Variants in U2AF1L4 observed in about 807,000 individuals in gnomAD.
U2AF1L4 encodes U2 small nuclear RNA auxiliary factor 1 like 4, also known as splicing factor U2AF 26 kDa subunit.
In U2AF1L4, 21 loss-of-function variants were observed where a neutral mutation model predicts 21.7. The observed-to-expected ratio is 0.97, with a 90% CI of 0.69 to 1.39. The LOEUF (loss-of-function observed/expected upper bound fraction) is 1.39. U2AF1L4 is among the 40% of genes most tolerant of loss of function. The pLI is 0.00. For missense variants in U2AF1L4, 259 were observed against 245.7 expected, an observed-to-expected ratio of 1.05 and a Z score of -0.36; for synonymous variants, 92 against 89.7, an observed-to-expected ratio of 1.03 and a Z score of -0.15.
chr19:35,742,731 A>G lies in U2AF1L4; in HGVS notation c.534T>C (p.His178=), dbSNP rs750919548. 1.2e-6 allele frequency: 2 copies of G among 1,610,428 alleles called. No homozygotes were observed. The highest frequency in any genetic ancestry group is 2.2e-5 in the East Asian group (1 of 44,864). ...GGGGGCCAGGGCCTCAGAAGCGGCC[A>G]TGCCAGTGATCAGGGGAACACCGAT... ...RNHRCSPDHW[H]GRF Residue 178 remains histidine, a synonymous_variant, in exon 6 of 6, where the codon CAT becomes CAC. Coordinates refer to ENST00000378975, the MANE Select transcript of U2AF1L4 (RefSeq NM_001040425.3).
rs1189704791 is a variant in U2AF1L4, at chr19:35,743,891, C to G, written c.379G>C (p.Gly127Arg). Residue 127 changes from glycine to arginine, a missense_variant, in exon 5 of 6, where the codon GGT becomes CGT. Transcript: ENST00000378975. ...AGATGCATGAAGTTGCAGAAGCCAC[C>G]TCGGGTACATTCCCTGCATAGAGGG... ...RQYEMGECTR[G>R]GFCNFMHLRP... 1.2e-6 allele frequency: 2 copies of G among 1,613,690 alleles called. No individual in the cohort carries two copies. The highest frequency in any genetic ancestry group is 1.1e-5 in the South Asian group (1 of 91,034).
Position 35,744,361 on chromosome 19 carries a change from T to C in U2AF1L4, c.193A>G (p.Asn65Asp). The change falls in exon 3 of 6, where the codon AAC becomes GAC. Residue 65 changes from asparagine (N) to aspartate (D), a missense_variant. Asn to Asp is a conservative substitution (Grantham distance 23). Coordinates refer to ENST00000378975, the MANE Select transcript of U2AF1L4 (RefSeq NM_001040425.3). Reference protein sequence around the residue: ...GEIEEMNVCDNLGDHLVGNVY... With the variant: ...GEIEEMNVCDDLGDHLVGNVY... ...TTGCCCACGAGGTGGTCCCCAAGGT[T>C]GTCGCACACATTCATCTCTTCAATC... is the stretch of plus-strand genomic sequence containing the variant. 1.2e-6 allele frequency: 2 copies of C among 1,614,144 alleles called. No individual in the cohort carries two copies. Among genetic ancestry groups the C allele is most frequent in the Non-Finnish European group, 8.5e-7 (1 of 1,180,036 alleles).
Position 35,745,163 on chromosome 19 carries a change from G to C in U2AF1L4, c.94C>G (p.Arg32Gly), listed in dbSNP as rs759302841. The stretch of plus-strand genomic sequence containing the variant: ...GGCTTGTTGTGAAGCCGGGAGCACC[G>C]GTCCCCGTGCCGGCAGACCCCGATC... ...FKIGVCRHGD[R>G]CSRLHNKPTF... The change falls in exon 2 of 6, where the codon CGG becomes GGG. Residue 32 changes from arginine (R) to glycine (G), a missense_variant. By Grantham distance (125) the Arg-to-Gly change is moderately radical. Coordinates refer to ENST00000378975, the MANE Select transcript of U2AF1L4 (RefSeq NM_001040425.3). 1.2e-6 allele frequency: 2 copies of C among 1,613,576 alleles called. No individual in the cohort carries two copies. Among genetic ancestry groups the C allele is most frequent in the Admixed American group, 3.3e-5 (2 of 60,014 alleles).
intron 2 of U2AF1L4, chr19:35,744,916 T>TAGCCTG: frequency 1.4e-6 from 1 of 703,102 alleles, no homozygotes; most frequent in Non-Finnish European, 2.4e-6. Flanking sequence ...CCGCCGTGTG[T>TAGCCTG]AGCCTGTACG....
chr19:35,744,555 G>A (rs1479753347), intron 2 of U2AF1L4, 134 bp from the exon 3 acceptor site: 1 of 1,568,772 alleles, frequency 6.4e-7, no homozygotes, highest in East Asian at 2.3e-5. Flanking sequence ...GGTGGGGGCG[G>A]GCAGGGTGGA....
chr19:35,744,678 G>C (rs1970480941), intron 2 of U2AF1L4: 1 of 1,536,086 alleles, frequency 6.5e-7, no homozygotes, highest in African/African-American at 1.4e-5. Flanking sequence ...GGTACAGGTT[G>C]AGCAGCACTA....
intron 3 of U2AF1L4, 77 bp from the exon 4 acceptor site, chr19:35,744,222 A>G (rs1280975855): frequency 4.8e-5 from 77 of 1,605,444 alleles, no homozygotes; most frequent in Non-Finnish European, 6.5e-5. Context: ...CTGGGGCTGG[A>G]CTGGATTTAG....
downstream of U2AF1L4, chr19:35,742,512 C>T: frequency 1.3e-6 from 2 of 1,596,230 alleles, no homozygotes; most frequent in Non-Finnish European, 1.7e-6. Context: ...AATGCCAAAC[C>T]ACAGCAAAAG....
At chr19:35,743,686 CAAAAAAAA>C (rs36076889) in intron 5 of U2AF1L4, 115 bp downstream of exon 5, 16 of 495,172 alleles carry the variant, frequency 3.2e-5, no homozygotes, top group East Asian at 1.9e-4. Context: ...GGCTCCATCT[CAAAAAAAA>C]AAAAAAAAAA....
At position 35,745,212 on chromosome 19, in the gene U2AF1L4, C is replaced by T; in HGVS notation, c.45G>A (p.Lys15=). ...TCTTAAAGTAAAAAGAGCAGTTAAC[C>T]CTGGAAAAGGTGCAAAGACAAAGGT... The part of the protein sequence containing the change: ...LASIFGTEKD[K]VNCSFYFKIG... Residue 15 remains lysine (K), a splice_region_variant and synonymous_variant, in exon 2 of 6, where the codon AAG becomes AAA. Coordinates refer to ENST00000378975, the MANE Select transcript of U2AF1L4 (RefSeq NM_001040425.3). 9.9e-6 allele frequency: 16 copies of T among 1,613,644 alleles called. No individual in the cohort carries two copies. Among genetic ancestry groups the T allele is most frequent in the Non-Finnish European group, 1.4e-5 (16 of 1,179,928 alleles).
chr19:35,744,714 C>G (rs1321291752), intron 2 of U2AF1L4: 1 of 1,535,832 alleles, frequency 6.5e-7, no homozygotes, highest in South Asian at 1.2e-5. Context: ...TTAAAAGGGG[C>G]GGGGCCTGAG....
At position 35,744,120 on chromosome 19, in the gene U2AF1L4, C is replaced by T. The variant is rs142741890; in HGVS notation, c.257G>A (p.Arg86Gln). The change falls in exon 4 of 6, where the codon CGG becomes CAG. Residue 86 changes from arginine to glutamine, a missense_variant. By Grantham distance (43) the Arg-to-Gln change is conservative. Coordinates refer to ENST00000378975, the MANE Select transcript of U2AF1L4 (RefSeq NM_001040425.3). ...VKFRREEDGE[R>Q]AVAELSNRWF... Reference sequence around the variant, plus strand: ...GCGGTTACTGAGTTCAGCCACGGCCCGCTCTCCATCCTCCTCCCTCCGGAA... The same window carrying T: ...GCGGTTACTGAGTTCAGCCACGGCCTGCTCTCCATCCTCCTCCCTCCGGAA... The T allele has an allele frequency of 1.8e-5, 29 of 1,613,942 alleles. 1 individual carries two copies. The African/African-American group carries it at 2.5e-4, about 14-fold the overall frequency.
chr19:35,744,856 G>C (rs1440189894), intron 2 of U2AF1L4: 5 of 839,316 alleles, frequency 6.0e-6, no homozygotes, highest in Non-Finnish European at 9.4e-6. Flanking sequence ...GGATGGAGGG[G>C]ACTGGCAAGG....
At chr19:35,743,544 C>T (rs1285610862) in intron 5 of U2AF1L4, 7 of 479,712 alleles carry the variant, frequency 1.5e-5, no homozygotes, top group African/African-American at 5.9e-5. Context: ...AAAAATTAGC[C>T]GGGCATGGTG....
intron 2 of U2AF1L4, 89 bp downstream of exon 2, chr19:35,745,036 C>T (rs942917603): frequency 7.4e-7 from 1 of 1,344,380 alleles, no homozygotes; most frequent in Non-Finnish European, 1.0e-6. Context: ...GACTCAGGAA[C>T]CCGGAATAGG....
rs967793516 is a variant in U2AF1L4, at chr19:35,745,195, T to C, written c.62A>G (p.Tyr21Cys). 20 of 1,613,356 alleles carry C rather than the reference T, an allele frequency of 1.2e-5. No individual in the cohort carries two copies. Among genetic ancestry groups the C allele is most frequent in the Non-Finnish European group, 1.6e-5 (19 of 1,179,906 alleles). The change falls in exon 2 of 6, where the codon TAC (tyrosine) becomes TGC (cysteine). Residue 21 changes from tyrosine to cysteine, a missense_variant. By Grantham distance (194) the Tyr-to-Cys change is radical. Coordinates refer to ENST00000378975, the MANE Select transcript of U2AF1L4 (RefSeq NM_001040425.3). ...GTGCCGGCAGACCCCGATCTTAAAG[T>C]AAAAAGAGCAGTTAACCCTGGAAAA... Reference protein sequence around the residue: ...TEKDKVNCSFYFKIGVCRHGD... With the variant: ...TEKDKVNCSFCFKIGVCRHGD...
intron 5 of U2AF1L4, chr19:35,743,057 A>C (rs1036870362): frequency 1.8e-6 from 1 of 570,494 alleles, no homozygotes; most frequent in Admixed American, 3.4e-5. Context: ...GATGGAGCTC[A>C]GAACTACTCT....
intron 3 of U2AF1L4, 45 bp downstream of exon 3, chr19:35,744,278 T>C (rs1329624423): frequency 6.2e-7 from 1 of 1,612,126 alleles, no homozygotes; most frequent in Non-Finnish European, 8.5e-7. Flanking sequence ...CATCAGGCAT[T>C]GAAACGCCTC....
At position 35,742,645 on chromosome 19, in the gene U2AF1L4, A is replaced by G; in HGVS notation, c.*74T>C. 6.2e-7 allele frequency: 1 copy of G among 1,613,598 alleles called. No homozygotes were observed. On this transcript the variant is annotated 3_prime_UTR_variant, in exon 6 of 6. Transcript: ENST00000378975. ...CTGGGAAGGATGGGGCAGGAGAGTG[A>G]AGGGGGCTTTGAGGAGAGGTCCTGC...
Sources: allele counts gnomAD v4.1 joint callset, GRCh38; gene constraint gnomAD v4.1.1; transcripts MANE v1.5; gene names NCBI Gene and HGNC (gene_info 2026-07-23, HGNC 2026-07-21).